ENOX1: variants seen among roughly 807,000 people sequenced by gnomAD.
ENOX1 encodes the protein candidate growth-related and time keeping constitutive hydroquinone (NADH) oxidase.
ENOX1 carries 42 observed loss-of-function variants against 82.5 expected under a neutral mutation model. The observed-to-expected ratio is 0.51, with a 90% CI of 0.40 to 0.66. The LOEUF (loss-of-function observed/expected upper bound fraction) is 0.66, where lower values mean the gene tolerates loss of function less well. ENOX1 is among the 30% of genes least tolerant of loss of function. The pLI is 0.00. For missense variants in ENOX1, 608 were observed against 811.6 expected (o/e 0.75, Z 3.05); for synonymous variants, 271 against 282.2 (o/e 0.96, Z 0.40).
chr13:43,638,532 G>T (rs561319397), intron 2 of ENOX1, among the ~76,000 whole-genome samples: 22 of 152,208 alleles, frequency 1.4e-4, no homozygotes, highest in African/African-American at 5.3e-4. Context: ...TTTCTTGCCA[G>T]CAAACCAAAA....
intron 3 of ENOX1, among the ~76,000 whole-genome samples, chr13:43,437,057 G>C (rs2056072783): frequency 6.6e-6 from 1 of 152,096 alleles, no homozygotes; most frequent in Non-Finnish European, 1.5e-5. Flanking sequence ...TACAGGACTG[G>C]GATCGAACAT....
At chr13:43,258,824 T>TA (rs1281650653) in intron 14 of ENOX1, among the ~76,000 whole-genome samples, 1 of 152,168 alleles carries the variant, frequency 6.6e-6, no homozygotes. Context: ...AGGTCTCGTC[T>TA]CCAGAGGATT....
At chr13:43,522,551 G>A (rs1012808094) in intron 2 of ENOX1, among the ~76,000 whole-genome samples, 2 of 152,090 alleles carry the variant, frequency 1.3e-5, no homozygotes, top group African/African-American at 2.4e-5. Flanking sequence ...CCAAGGTCTC[G>A]CAACGCCTTG....
intron 5 of ENOX1, among the ~76,000 whole-genome samples, chr13:43,368,996 G>T (rs1473689643): frequency 6.6e-6 from 1 of 152,016 alleles, no homozygotes; most frequent in Non-Finnish European, 1.5e-5. Flanking sequence ...TGCCTCTAGT[G>T]ACACTGCACT....
At chr13:43,517,150 A>G (rs1655232864) in intron 2 of ENOX1, among the ~76,000 whole-genome samples, 1 of 152,056 alleles carries the variant, frequency 6.6e-6, no homozygotes, top group African/African-American at 2.4e-5. Context: ...CCTCACAATT[A>G]TATTTTATGG....
chr13:43,489,915 C>G (rs1488808961), intron 2 of ENOX1, among the ~76,000 whole-genome samples: 1 of 152,158 alleles, frequency 6.6e-6, no homozygotes, highest in Admixed American at 6.5e-5. Context: ...ATGGAAATGT[C>G]TATCCTATGT....
At chr13:43,636,793 A>G (rs2083431310) in intron 2 of ENOX1, among the ~76,000 whole-genome samples, 1 of 152,200 alleles carries the variant, frequency 6.6e-6, no homozygotes, top group Admixed American at 6.5e-5. Flanking sequence ...TCTGGGACAC[A>G]GCAATCAATC....
In ENOX1 at chr13:43,746,425, G is replaced by A. The variant is rs558227244; in HGVS notation, c.-285+40227C>T. The stretch of plus-strand genomic sequence containing the variant: ...TATGGTAACGAGGGTTAAAATTTAA[G>A]AGGAGCTTTGAAGGGCAGATGGAGG... On this transcript the variant is annotated intron_variant, in intron 1 of 16. Transcript: ENST00000690772. 1.3e-4 allele frequency among the ~76,000 whole-genome samples: 20 copies of A among 152,222 alleles called. No homozygotes were observed. In the East Asian group the frequency reaches 3.9e-3, roughly 29 times the overall value.
At chr13:43,352,778 G>C (rs1594098103) in intron 8 of ENOX1, among the ~76,000 whole-genome samples, 2 of 152,156 alleles carry the variant, frequency 1.3e-5, no homozygotes, top group Admixed American at 1.3e-4. Context: ...GTTTCAGAAG[G>C]TCAAGTAGCC....
chr13:43,452,055 T>C (rs372098117), intron 3 of ENOX1, among the ~76,000 whole-genome samples: 2 of 152,228 alleles, frequency 1.3e-5, no homozygotes, highest in African/African-American at 4.8e-5. Flanking sequence ...TATTCCACAC[T>C]TACTTTTTCC....
chr13:43,695,055 T>C (rs1212827678), intron 1 of ENOX1, among the ~76,000 whole-genome samples: 1 of 152,094 alleles, frequency 6.6e-6, no homozygotes, highest in Non-Finnish European at 1.5e-5. Flanking sequence ...CACACATCGA[T>C]GGCACACTTC....
At chr13:43,322,357 T>A in intron 11 of ENOX1, 27 bp downstream of exon 11, 1 of 1,556,396 alleles carries the variant, frequency 6.4e-7, no homozygotes, top group Non-Finnish European at 8.9e-7. Flanking sequence ...TGATACCTCA[T>A]GGGTCTGTGG....
chr13:43,600,160 G>T (rs2081641300), intron 2 of ENOX1, among the ~76,000 whole-genome samples: 1 of 152,122 alleles, frequency 6.6e-6, no homozygotes, highest in Admixed American at 6.5e-5. Context: ...GAGTAAAGGA[G>T]ACTTTGTCTT....
chr13:43,475,995 C>T (rs2058266598), intron 3 of ENOX1, among the ~76,000 whole-genome samples: 3 of 151,954 alleles, frequency 2.0e-5, no homozygotes, highest in Admixed American at 1.3e-4. Context: ...TCAGTTAACT[C>T]TAATCTTATA....
intron 12 of ENOX1, among the ~76,000 whole-genome samples, chr13:43,295,501 A>G (rs1286706413): frequency 6.6e-6 from 1 of 152,244 alleles, no homozygotes; most frequent in Non-Finnish European, 1.5e-5. Flanking sequence ...AAGGGGTTAA[A>G]GAAAGAAAGG....
intron 2 of ENOX1, among the ~76,000 whole-genome samples, chr13:43,553,191 T>C (rs548481188): frequency 5.3e-5 from 8 of 152,258 alleles, no homozygotes; most frequent in African/African-American, 9.6e-5. Context: ...AAATTCAACA[T>C]GAATACTATT....
At chr13:43,436,594 T>TAAC (rs1308111098) in intron 3 of ENOX1, among the ~76,000 whole-genome samples, 1 of 152,164 alleles carries the variant, frequency 6.6e-6, no homozygotes, top group Non-Finnish European at 1.5e-5. Flanking sequence ...AAGAGTTATA[T>TAAC]AACAGCCTTG....
chr13:43,259,582 C>T (rs1433117991), intron 14 of ENOX1, among the ~76,000 whole-genome samples: 6 of 152,322 alleles, frequency 3.9e-5, no homozygotes, highest in Admixed American at 3.3e-4. Context: ...TCAAGCAATT[C>T]TCCTACCTCA....
At chr13:43,552,826 G>T (rs540854940) in intron 2 of ENOX1, among the ~76,000 whole-genome samples, 1 of 152,180 alleles carries the variant, frequency 6.6e-6, no homozygotes, top group Admixed American at 6.5e-5. Context: ...ACAAATGATT[G>T]CTTATCCAAG....
Sources: allele counts gnomAD v4.1 joint callset (sites outside exome capture counted in the v4.1 genomes callset), GRCh38; gene constraint gnomAD v4.1.1; transcripts MANE v1.5; gene names NCBI Gene and HGNC (gene_info 2026-07-23, HGNC 2026-07-21).